The following HS6ST3 variants were observed in gnomAD, a reference collection of about 807,000 sequenced individuals.
The protein encoded by HS6ST3 is heparan-sulfate 6-O-sulfotransferase 3.
Under a neutral mutation model 36.7 loss-of-function variants are expected in HS6ST3, and 12 were observed. The ratio of observed to expected loss-of-function variants is 0.33; its 90% CI spans 0.21 to 0.53. The LOEUF (loss-of-function observed/expected upper bound fraction) is 0.53. HS6ST3 is among the 20% of genes least tolerant of loss of function. The pLI is 0.95. For synonymous variants in HS6ST3, 240 were observed against 257.5 expected (o/e 0.93, Z 0.65); for missense variants, 584 against 640.9 (o/e 0.91, Z 0.96).
chr13:96,783,774 A>G lies in HS6ST3; in HGVS notation c.708-48716A>G, dbSNP rs1877578778. On this transcript the variant is annotated intron_variant, in intron 1 of 1. Transcript: ENST00000376705. ...AGATAGGAAGATAAGATGTGATTCA[A>G]CAGAGCCCGGAAGTGATGTGATCTT... 2.0e-5 allele frequency among the ~76,000 whole-genome samples: 3 copies of G among 152,088 alleles called. No individual in the cohort carries two copies. The South Asian group carries it at 6.2e-4, about 31-fold the overall frequency.
chr13:96,153,754 A>G (rs984565592), intron 1 of HS6ST3, among the ~76,000 whole-genome samples: 2 of 152,264 alleles, frequency 1.3e-5, no homozygotes, highest in Non-Finnish European at 2.9e-5. Context: ...AACTTTAAAA[A>G]TGTAATCAGT....
At chr13:96,773,241 G>T (rs7998221) in intron 1 of HS6ST3, among the ~76,000 whole-genome samples, 106,439 of 152,126 alleles carry the variant, frequency 0.7, 38,190 homozygotes, top group African/African-American at 0.88. Context: ...TGGGTGGCTT[G>T]TTGGGCAGAC....
chr13:96,797,067 T>C (rs1924573), intron 1 of HS6ST3, among the ~76,000 whole-genome samples: 1 of 151,946 alleles, frequency 6.6e-6, no homozygotes, highest in Non-Finnish European at 1.5e-5. Flanking sequence ...GAGAGGGTTG[T>C]CCCTCCAAGG....
chr13:96,596,306 T>C (rs928472090), intron 1 of HS6ST3, among the ~76,000 whole-genome samples: 1 of 152,210 alleles, frequency 6.6e-6, no homozygotes, highest in African/African-American at 2.4e-5. Flanking sequence ...TAATATTCCA[T>C]GGTGTGTGTA....
chr13:96,532,282 C>T (rs1005910724), intron 1 of HS6ST3, among the ~76,000 whole-genome samples: 1 of 152,224 alleles, frequency 6.6e-6, no homozygotes, highest in African/African-American at 2.4e-5. Context: ...TCTGTTTAAT[C>T]CCTGCAACTG....
chr13:96,707,418 T>G (rs1329372597), intron 1 of HS6ST3, among the ~76,000 whole-genome samples: 1 of 152,236 alleles, frequency 6.6e-6, no homozygotes, highest in Non-Finnish European at 1.5e-5. Flanking sequence ...TATGGTAGTT[T>G]GTTACAGCAG....
intron 1 of HS6ST3, among the ~76,000 whole-genome samples, chr13:96,397,152 G>C (rs533891775): frequency 1.7e-4 from 26 of 152,272 alleles, no homozygotes; most frequent in Non-Finnish European, 2.9e-4. Context: ...GCAGTGAGCG[G>C]AGATCGCCCC....
rs2055078922 is a variant in HS6ST3, at chr13:96,332,828, C to T, written c.707+241259C>T. 3.9e-5 allele frequency among the ~76,000 whole-genome samples: 6 copies of T among 152,152 alleles called. No homozygotes were observed. In the South Asian group the frequency reaches 1.2e-3, roughly 32 times the overall value. On this transcript the variant is annotated intron_variant, in intron 1 of 1. Coordinates refer to ENST00000376705, the MANE Select transcript of HS6ST3 (RefSeq NM_153456.4). ...TACATTGTCCTGGATATTTGTATCTCCCCCAAATTCATATGTTGAAAGTTA... is the reference window on the plus strand; with the variant it reads ...TACATTGTCCTGGATATTTGTATCTTCCCCAAATTCATATGTTGAAAGTTA...
At chr13:96,699,594 C>G (rs563453265) in intron 1 of HS6ST3, among the ~76,000 whole-genome samples, 1 of 152,254 alleles carries the variant, frequency 6.6e-6, no homozygotes, top group Admixed American at 6.5e-5. Context: ...AAGGAAACAA[C>G]AGGTGCTGGA....
intron 1 of HS6ST3, among the ~76,000 whole-genome samples, chr13:96,331,266 G>T (rs1213701113): frequency 6.6e-6 from 1 of 152,180 alleles, no homozygotes; most frequent in Non-Finnish European, 1.5e-5. Context: ...CTGCGTTTTA[G>T]AGTTTCCAGT....
chr13:96,132,769 T>G (rs1479558554), intron 1 of HS6ST3, among the ~76,000 whole-genome samples: 1 of 152,178 alleles, frequency 6.6e-6, no homozygotes, highest in Non-Finnish European at 1.5e-5. Context: ...TTTCTCCACA[T>G]TCTCACTAAC....
chr13:96,123,112 A>G (rs1321736623), intron 1 of HS6ST3, among the ~76,000 whole-genome samples: 4 of 152,174 alleles, frequency 2.6e-5, no homozygotes, highest in Non-Finnish European at 5.9e-5. Context: ...AACATGCCTT[A>G]TAAGTTGAAC....
chr13:96,772,748 G>A (rs55963137), intron 1 of HS6ST3, among the ~76,000 whole-genome samples: 12,667 of 152,270 alleles, frequency 0.083, 608 homozygotes, highest in Non-Finnish European at 0.12. Flanking sequence ...GCAAGTTATT[G>A]TAATATTGGC....
chr13:96,791,001 G>A (rs1276711349), intron 1 of HS6ST3, among the ~76,000 whole-genome samples: 1 of 152,008 alleles, frequency 6.6e-6, no homozygotes, highest in Non-Finnish European at 1.5e-5. Context: ...TCCTGAATTA[G>A]TGTTTCTAGA....
intron 1 of HS6ST3, among the ~76,000 whole-genome samples, chr13:96,645,976 CA>C (rs933669725): frequency 5.8e-4 from 81 of 140,050 alleles, no homozygotes; most frequent in African/African-American, 4.2e-4. Context: ...GATGCTATTA[CA>C]AAAAAAAAAA....
At chr13:96,758,901 A>G (rs920689654) in intron 1 of HS6ST3, among the ~76,000 whole-genome samples, 3 of 151,838 alleles carry the variant, frequency 2.0e-5, no homozygotes, top group Non-Finnish European at 4.4e-5. Flanking sequence ...TGTTTAATCA[A>G]TTACTGAGAA....
chr13:96,345,813 A>G (rs945111760), intron 1 of HS6ST3, among the ~76,000 whole-genome samples: 4 of 152,198 alleles, frequency 2.6e-5, no homozygotes, highest in Admixed American at 6.5e-5. Flanking sequence ...CACATAAAAT[A>G]CACTAACATG....
At chr13:96,424,328 C>T (rs946883126) in intron 1 of HS6ST3, among the ~76,000 whole-genome samples, 6 of 152,154 alleles carry the variant, frequency 3.9e-5, no homozygotes, top group Non-Finnish European at 8.8e-5. Context: ...ACACAAAACA[C>T]AATTACATAA....
At chr13:96,447,849 C>T (rs1340028120) in intron 1 of HS6ST3, among the ~76,000 whole-genome samples, 2 of 152,182 alleles carry the variant, frequency 1.3e-5, no homozygotes, top group Non-Finnish European at 2.9e-5. Flanking sequence ...GTACAGGGAG[C>T]TTCTTCCTTC....
Sources: allele counts gnomAD v4.1 joint callset (sites outside exome capture counted in the v4.1 genomes callset), GRCh38; gene constraint gnomAD v4.1.1; transcripts MANE v1.5; gene names NCBI Gene and HGNC (gene_info 2026-07-23, HGNC 2026-07-21).